The following MYO5C variants were observed in gnomAD, a reference collection of about 807,000 sequenced individuals.
MYO5C encodes the protein unconventional myosin-Vc.
Under a neutral mutation model 235.7 loss-of-function variants are expected in MYO5C, and 194 were observed. The ratio of observed to expected loss-of-function variants is 0.82; its 90% CI spans 0.73 to 0.93. MYO5C has a LOEUF of 0.93. MYO5C is among the 40% of genes least tolerant of loss of function. The probability of loss-of-function intolerance (pLI) is 0.00; values close to 1 mark genes in which losing one functional copy is unlikely to be tolerated. For missense variants in MYO5C, 2,038 were observed against 2,127.2 expected, an observed-to-expected ratio of 0.96 and a Z score of 0.82; for synonymous variants, 707 against 754.8, an observed-to-expected ratio of 0.94 and a Z score of 1.04.
Position 52,205,107 on chromosome 15 carries a change from G to A in MYO5C, c.4578C>T (p.Ser1526=), listed in dbSNP as rs761120987. 1.4e-5 allele frequency: 23 copies of A among 1,614,094 alleles called. No individual in the cohort carries two copies. The highest frequency in any genetic ancestry group is 8.3e-5 in the Admixed American group (5 of 60,008). Residue 1526 remains serine, a synonymous_variant, in exon 38 of 41, where the codon TCC becomes TCT. Transcript: ENST00000261839. ...TCCGGAAGCCTGTGGGCTTCAGGCC[G>A]GAAATGCCCTGCAGGCTCTCATACT... ...MLEYESLQGI[S]GLKPTGFRKR...
In MYO5C at chr15:52,265,546, T is replaced by G. The variant is rs150072136; in HGVS notation, c.941-1250A>C. Among the ~76,000 whole-genome samples the G allele has an allele frequency of 6.4e-3, 972 of 151,270 alleles. 8 individuals are homozygous for G. The highest frequency in any genetic ancestry group is 0.01 in the Middle Eastern group (3 of 292). ...ATTTCAAAACCTACAGTTTTTTGTT[T>G]TTTTTTTTTTGAGACAAGGTCTCAC... On this transcript the variant is annotated intron_variant, in intron 8 of 40. Transcript: ENST00000261839.
At position 52,282,129 on chromosome 15, in the gene MYO5C, C is replaced by T. The variant is rs952705905; in HGVS notation, c.138+653G>A. ...AGCTCCTCAATAGCTCATCCTACCA[C>T]AGGAGCAACTGCTAAAGTTCATCCT... On this transcript the variant is annotated intron_variant, in intron 2 of 40. Transcript: ENST00000261839. 2.6e-5 allele frequency among the ~76,000 whole-genome samples: 4 copies of T among 152,308 alleles called. No homozygotes were observed. The East Asian group carries it at 5.8e-4, about 22-fold the overall frequency.
chr15:52,225,436 T>C lies in MYO5C; in HGVS notation c.3301+3A>G. On this transcript the variant is annotated splice_donor_region_variant and intron_variant, in intron 26 of 40. Coordinates refer to ENST00000261839, the MANE Select transcript of MYO5C (RefSeq NM_018728.4). Reference sequence around the variant, plus strand: ...TGGACTAAGAGACTCATATTTTTATTACCTCTCATTTCCCGTTTTTGTGAC... The same window carrying C: ...TGGACTAAGAGACTCATATTTTTATCACCTCTCATTTCCCGTTTTTGTGAC... 6.2e-7 allele frequency: 1 copy of C among 1,604,894 alleles called. No individual in the cohort carries two copies. Among genetic ancestry groups the C allele is most frequent in the Non-Finnish European group, 8.5e-7 (1 of 1,171,704 alleles).
intron 29 of MYO5C, among the ~76,000 whole-genome samples, chr15:52,222,290 T>C (rs2035706160): frequency 6.6e-6 from 1 of 152,194 alleles, no homozygotes; most frequent in African/African-American, 2.4e-5. Flanking sequence ...TAAAGTTTCA[T>C]CCAAGGAATA....
intron 21 of MYO5C, among the ~76,000 whole-genome samples, chr15:52,239,441 C>G (rs902570315): frequency 6.6e-6 from 1 of 151,270 alleles, no homozygotes; most frequent in Non-Finnish European, 1.5e-5. Flanking sequence ...ACCTTTGCCT[C>G]AAGGCAACAC....
intron 11 of MYO5C, among the ~76,000 whole-genome samples, chr15:52,255,282 C>T (rs1203352176): frequency 2.0e-5 from 3 of 152,304 alleles, no homozygotes; most frequent in African/African-American, 4.8e-5. Context: ...CCACACTCTC[C>T]AAGACGTCAT....
At chr15:52,247,318 G>T in intron 15 of MYO5C, 140 bp downstream of exon 15, 2 of 1,005,988 alleles carry the variant, frequency 2.0e-6, no homozygotes, top group Non-Finnish European at 1.5e-6. Flanking sequence ...TGAACTTTTT[G>T]CAGTGGAGTC....
rs570043338 is a variant in MYO5C at position 52,262,706 on chromosome 15, C to T, written c.1047+1484G>A. On this transcript the variant is annotated intron_variant, in intron 9 of 40. Coordinates refer to ENST00000261839, the MANE Select transcript of MYO5C (RefSeq NM_018728.4). ...GCCTAAAACGCTAAGCCCAGGAGCT[C>T]ATGCTCCACTCAGCTCTGCTCTCTC... Among the ~76,000 whole-genome samples the T allele has an allele frequency of 5.9e-5, 9 of 152,356 alleles. No individual in the cohort carries two copies. The South Asian group carries it at 1.7e-3, about 28-fold the overall frequency.
chr15:52,291,737 T>TTTTTTTTTGTTTTG (rs1363124600), intron 1 of MYO5C, among the ~76,000 whole-genome samples: 1 of 74,558 alleles, frequency 1.3e-5, no homozygotes, highest in African/African-American at 4.6e-5. Context: ...TTATGTTTTT[T>TTTTTTTTTGTTTTG]TTTTTTTTTT....
intron 11 of MYO5C, among the ~76,000 whole-genome samples, chr15:52,255,173 C>A (rs2036554498): frequency 6.6e-6 from 1 of 152,140 alleles, no homozygotes; most frequent in African/African-American, 2.4e-5. Context: ...GTAATGATGA[C>A]TCATTTTTAA....
intron 39 of MYO5C, among the ~76,000 whole-genome samples, 179 bp from the exon 40 acceptor site, chr15:52,195,636 C>T (rs1839598986): frequency 6.6e-6 from 1 of 152,030 alleles, no homozygotes; most frequent in South Asian, 2.1e-4. Context: ...AGAAAAGTGC[C>T]TTAGGGAGCA....
rs774587767 is a variant in MYO5C at position 52,205,011 on chromosome 15, A to G, written c.4674T>C (p.Phe1558=). The G allele has an allele frequency of 3.1e-6, 5 of 1,614,056 alleles. No individual in the cohort carries two copies. Among genetic ancestry groups the G allele is most frequent in the Non-Finnish European group, 4.2e-6 (5 of 1,180,038 alleles). The change falls in exon 38 of 41, where the codon TTT becomes TTC. Residue 1558 remains phenylalanine (F), a synonymous_variant. Coordinates refer to ENST00000261839, the MANE Select transcript of MYO5C (RefSeq NM_018728.4). ...MTSVLQQLSY[F]YTTMCQNGLD... is the part of the protein sequence containing the mutation. ...GGCCGTTCTGGCACATGGTGGTGTAAAAGTAGCTCAGCTGTTGCAGGACGG... is the reference window on the plus strand; with the variant it reads ...GGCCGTTCTGGCACATGGTGGTGTAGAAGTAGCTCAGCTGTTGCAGGACGG...
chr15:52,230,408 A>AT (rs201714357), intron 24 of MYO5C, among the ~76,000 whole-genome samples: 2,285 of 146,218 alleles, frequency 0.016, 44 homozygotes, highest in African/African-American at 0.036. Flanking sequence ...TTTTTTATAG[A>AT]TTTTTTTTTT....
At chr15:52,256,977 C>CATAT in intron 10 of MYO5C, 1 of 408,522 alleles carries the variant, frequency 2.4e-6, no homozygotes. Flanking sequence ...AGCATGTCAC[C>CATAT]ATATGGTGTA....
At chr15:52,271,661 G>T in intron 7 of MYO5C, 102 bp downstream of exon 7, 1 of 634,054 alleles carries the variant, frequency 1.6e-6, no homozygotes, top group Non-Finnish European at 2.5e-6. Context: ...TGTATCTTTG[G>T]GCAAATACTT....
chr15:52,246,154 A>G, intron 16 of MYO5C, 112 bp from the exon 17 acceptor site: 1 of 769,150 alleles, frequency 1.3e-6, no homozygotes, highest in Non-Finnish European at 2.2e-6. Context: ...TACCCAGCAG[A>G]TACTTAATAA....
chr15:52,246,066 G>A, intron 16 of MYO5C, 24 bp from the exon 17 acceptor site: 2 of 1,597,408 alleles, frequency 1.3e-6, no homozygotes, highest in Non-Finnish European at 1.7e-6. Context: ...ATGATATTAT[G>A]TGTTGAGGCA....
Position 52,205,066 on chromosome 15 carries a change from A to G in MYO5C, c.4619T>C (p.Ile1540Thr). The change falls in exon 38 of 41, where the codon ATA becomes ACA. Residue 1540 changes from isoleucine (I) to threonine (T), a missense_variant. By Grantham distance (89) the Ile-to-Thr change is moderately conservative. Transcript: ENST00000261839. ...PTGFRKRSSSIDDTDGYTMTS... is the reference protein window; with the variant it reads ...PTGFRKRSSSTDDTDGYTMTS... ...CATGGTGTAGCCGTCCGTGTCGTCT[A>G]TGCTAGAGGAGCGCTTCCGGAAGCC... 1.9e-6 allele frequency: 3 copies of G among 1,614,222 alleles called. No homozygotes were observed. The highest frequency in any genetic ancestry group is 1.6e-4 in the Middle Eastern group (1 of 6,062).
chr15:52,254,935 A>G (rs965239913), intron 11 of MYO5C, among the ~76,000 whole-genome samples: 1 of 151,810 alleles, frequency 6.6e-6, no homozygotes, highest in African/African-American at 2.4e-5. Flanking sequence ...CTTCCAGGAG[A>G]GCCTTGCAAA....
Sources: allele counts gnomAD v4.1 joint callset (sites outside exome capture counted in the v4.1 genomes callset), GRCh38; gene constraint gnomAD v4.1.1; transcripts MANE v1.5; gene names NCBI Gene and HGNC (gene_info 2026-07-23, HGNC 2026-07-21).